The following TMEM132D variants were observed in gnomAD, a reference collection of about 807,000 sequenced individuals.
TMEM132D encodes mature OL transmembrane protein.
TMEM132D carries 21 observed loss-of-function variants against 62.3 expected under a neutral mutation model. The observed-to-expected ratio is 0.34, with a 90% CI of 0.24 to 0.49. TMEM132D has a LOEUF of 0.49. Among genes scored for constraint, TMEM132D ranks in the 20% least tolerant of loss-of-function variants. TMEM132D has a pLI of 0.99. For synonymous variants in TMEM132D, 621 were observed against 575.6 expected, an observed-to-expected ratio of 1.08 and a Z score of -1.13; for missense variants, 1,346 against 1,402.8, an observed-to-expected ratio of 0.96 and a Z score of 0.65.
At chr12:129,775,129 G>C (rs1050317852) in intron 1 of TMEM132D, among the ~76,000 whole-genome samples, 3 of 152,190 alleles carry the variant, frequency 2.0e-5, no homozygotes, top group African/African-American at 7.2e-5. Flanking sequence ...CCACACAAAA[G>C]TGTAATAATC....
chr12:129,449,920 T>A (rs1484565301), intron 3 of TMEM132D, among the ~76,000 whole-genome samples: 1 of 152,234 alleles, frequency 6.6e-6, no homozygotes, highest in African/African-American at 2.4e-5. Context: ...AAAAACAATT[T>A]TGACTCTAAA....
chr12:129,506,923 C>G (rs1020136794), intron 3 of TMEM132D, among the ~76,000 whole-genome samples: 3 of 150,914 alleles, frequency 2.0e-5, no homozygotes, highest in African/African-American at 7.3e-5. Flanking sequence ...AAACAGACAA[C>G]CCAGAGTGGG....
intron 5 of TMEM132D, among the ~76,000 whole-genome samples, chr12:129,140,670 C>G (rs1435153413): frequency 1.3e-5 from 2 of 151,996 alleles, no homozygotes; most frequent in Non-Finnish European, 1.5e-5. Context: ...GAAATCCTGT[C>G]TCTGCTAAAA....
rs1366611572 is a variant in TMEM132D, at chr12:129,248,621, T to G, written c.1300-38958A>C. Among the ~76,000 whole-genome samples, 6 of 152,038 alleles carry G rather than the reference T, an allele frequency of 3.9e-5. No individual in the cohort carries two copies. The East Asian group carries it at 1.2e-3, about 29-fold the overall frequency. Reference sequence around the variant, plus strand: ...GGTTTGTTACACAGGTAGACTTGGGTCATGGGGGTTTGTTGTACAGATTAT... The same window carrying G: ...GGTTTGTTACACAGGTAGACTTGGGGCATGGGGGTTTGTTGTACAGATTAT... On this transcript the variant is annotated intron_variant, in intron 4 of 8. Coordinates refer to ENST00000422113, the MANE Select transcript of TMEM132D (RefSeq NM_133448.3).
intron 1 of TMEM132D, among the ~76,000 whole-genome samples, chr12:129,899,020 C>A (rs1213811519): frequency 2.0e-5 from 3 of 152,240 alleles, no homozygotes; most frequent in African/African-American, 7.2e-5. Flanking sequence ...GCTTTAGTAC[C>A]TGTCCTGTGT....
chr12:129,440,476 C>T (rs1358455922), intron 3 of TMEM132D, among the ~76,000 whole-genome samples: 3 of 152,034 alleles, frequency 2.0e-5, no homozygotes, highest in Admixed American at 6.6e-5. Context: ...TCATGTGGCG[C>T]GTGGAGGCAA....
At chr12:129,501,668 C>T (rs11060379) in intron 3 of TMEM132D, among the ~76,000 whole-genome samples, 63,698 of 151,684 alleles carry the variant, frequency 0.42, 14,818 homozygotes, top group Non-Finnish European at 0.52. Context: ...TCACGCCTGG[C>T]CAACTTTTGT....
intron 3 of TMEM132D, among the ~76,000 whole-genome samples, chr12:129,364,678 A>AAG (rs1870350927): frequency 6.6e-6 from 1 of 152,196 alleles, no homozygotes; most frequent in Non-Finnish European, 1.5e-5. Context: ...TTATACAAAA[A>AAG]TGGAAGGAGT....
chr12:129,530,168 C>T (rs1399885532), intron 3 of TMEM132D, among the ~76,000 whole-genome samples: 1 of 151,482 alleles, frequency 6.6e-6, no homozygotes, highest in East Asian at 1.9e-4. Flanking sequence ...GATCATAAGC[C>T]AAAAAAAATC....
chr12:129,739,740 G>A (rs1047497043), intron 1 of TMEM132D, among the ~76,000 whole-genome samples: 9 of 152,168 alleles, frequency 5.9e-5, no homozygotes, highest in Non-Finnish European at 1.3e-4. Flanking sequence ...TCTGGCTTCT[G>A]GCTGAGTTCA....
chr12:129,496,359 C>A (rs1286504113), intron 3 of TMEM132D, among the ~76,000 whole-genome samples: 1 of 152,074 alleles, frequency 6.6e-6, no homozygotes, highest in Non-Finnish European at 1.5e-5. Flanking sequence ...TTTTAGAGAG[C>A]AATGGGCAGG....
intron 3 of TMEM132D, among the ~76,000 whole-genome samples, chr12:129,378,849 C>T (rs1870856922): frequency 6.6e-6 from 1 of 152,046 alleles, no homozygotes; most frequent in South Asian, 2.1e-4. Context: ...CGGCCGTTGA[C>T]GGTGTAAATT....
intron 3 of TMEM132D, among the ~76,000 whole-genome samples, chr12:129,404,731 A>C (rs11060322): frequency 0.038 from 5,786 of 151,880 alleles, 363 homozygotes; most frequent in East Asian, 0.32. Context: ...CTCCTGTGAG[A>C]TACCTGAGCA....
chr12:129,101,045 C>G (rs181603342), intron 5 of TMEM132D, among the ~76,000 whole-genome samples: 1 of 151,876 alleles, frequency 6.6e-6, no homozygotes, highest in East Asian at 1.9e-4. Flanking sequence ...CTTTGCAGCG[C>G]TAGGCGGTGG....
At position 129,838,953 on chromosome 12, in the gene TMEM132D, CTTTT is replaced by C. The variant is rs576777558; in HGVS notation, c.79+64304_79+64307del. Among the ~76,000 whole-genome samples the C allele has an allele frequency of 3.8e-4, 50 of 133,202 alleles. No homozygotes were observed. In the South Asian group the frequency reaches 0.012, roughly 31 times the overall value. The allele number at this position is 133,202 out of a possible 152,430, so 87.4% of individuals were successfully genotyped here. A position where few individuals can be genotyped will look rare whatever the true frequency, so the allele number is the denominator to read the frequency against. Reference sequence around the variant, plus strand: ...AATAGGAACTTTTAAACTTAAAACTCTTTTTTTTTTTTTTTTGAGACGAAGTCTC... The same window carrying C: ...AATAGGAACTTTTAAACTTAAAACTCTTTTTTTTTTTTGAGACGAAGTCTC... On this transcript the variant is annotated intron_variant, in intron 1 of 8. Transcript: ENST00000422113.
intron 1 of TMEM132D, among the ~76,000 whole-genome samples, chr12:129,757,717 G>T (rs1303719619): frequency 6.6e-6 from 1 of 152,044 alleles, no homozygotes; most frequent in African/African-American, 2.4e-5. Context: ...AAAACTACTC[G>T]ATACAGCCAG....
chr12:129,583,755 A>G (rs759774798), intron 2 of TMEM132D, among the ~76,000 whole-genome samples: 2 of 152,206 alleles, frequency 1.3e-5, no homozygotes, highest in African/African-American at 2.4e-5. Context: ...GGAGACATAA[A>G]TGGCGAGAAA....
chr12:129,209,835 A>C, intron 4 of TMEM132D, 172 bp from the exon 5 acceptor site: 3 of 846,072 alleles, frequency 3.5e-6, no homozygotes, highest in Non-Finnish European at 5.4e-6. Flanking sequence ...CCATGAGATA[A>C]TGTTCTGTCC....
At chr12:129,813,232 T>C (rs1872241570) in intron 1 of TMEM132D, among the ~76,000 whole-genome samples, 2 of 151,798 alleles carry the variant, frequency 1.3e-5, no homozygotes, top group Admixed American at 6.6e-5. Context: ...CTCATCTTGT[T>C]GGTGGACGTT....
Sources: gnomAD v4.1 joint callset for allele counts (sites outside exome capture counted in the v4.1 genomes callset) on GRCh38, gnomAD v4.1.1 for gene constraint, MANE v1.5 for transcripts, NCBI Gene and HGNC (gene_info 2026-07-23, HGNC 2026-07-21) for gene names.